MAML2: variants seen among roughly 807,000 people sequenced by gnomAD.
MAML2 encodes the protein mastermind-like protein 2.
In MAML2, 22 loss-of-function variants were observed where a neutral mutation model predicts 96.1. That is an observed-to-expected ratio of 0.23 (90% confidence interval 0.16 to 0.33). The LOEUF (loss-of-function observed/expected upper bound fraction) is 0.33, where lower values mean the gene tolerates loss of function less well. Ranked by LOEUF, MAML2 falls within the 10% of genes least tolerant of loss-of-function variation. The pLI is 1.00. For missense variants in MAML2, 1,367 were observed against 1,392.4 expected (o/e 0.98, Z 0.29); for synonymous variants, 561 against 521.3 (o/e 1.08, Z -1.04).
chr11:96,192,797 C>T (rs1358323303), intron 1 of MAML2, among the ~76,000 whole-genome samples: 2 of 152,192 alleles, frequency 1.3e-5, no homozygotes, highest in Non-Finnish European at 2.9e-5. Context: ...GGGACATATG[C>T]CAGCATGAAT....
intron 1 of MAML2, among the ~76,000 whole-genome samples, chr11:96,207,465 T>C (rs1184938245): frequency 6.6e-6 from 1 of 152,250 alleles, no homozygotes. Flanking sequence ...ACACAGATTA[T>C]GTGCAACTAC....
chr11:95,992,108 T>C (rs1331055643), intron 2 of MAML2, among the ~76,000 whole-genome samples: 1 of 152,240 alleles, frequency 6.6e-6, no homozygotes, highest in East Asian at 1.9e-4. Flanking sequence ...GCATGTATCA[T>C]TGCTGATCCT....
rs77552014 is a variant in MAML2, at chr11:96,126,734, A to G, written c.514-33217T>C. On this transcript the variant is annotated intron_variant, in intron 1 of 4. Coordinates refer to ENST00000524717, the MANE Select transcript of MAML2 (RefSeq NM_032427.4). ...GCACAGAGGAGGACAACTATTGCAA[A>G]TTGGCTGAAAAACAATATAAATCCA... 6.9e-3 allele frequency among the ~76,000 whole-genome samples: 1,053 copies of G among 152,322 alleles called. 18 individuals are homozygous for G. The highest frequency in any genetic ancestry group is 0.024 in the African/African-American group (1,012 of 41,572).
intron 2 of MAML2, among the ~76,000 whole-genome samples, chr11:96,006,589 G>A (rs1160837934): frequency 6.9e-6 from 1 of 143,918 alleles, no homozygotes; most frequent in Non-Finnish European, 1.5e-5. Flanking sequence ...ATGGAGTTTC[G>A]CTCTTGTTGC....
At chr11:96,218,242 T>G (rs925738011) in intron 1 of MAML2, among the ~76,000 whole-genome samples, 1 of 152,252 alleles carries the variant, frequency 6.6e-6, no homozygotes, top group African/African-American at 2.4e-5. Flanking sequence ...ACCCTGGCTT[T>G]GACTTGGTTT....
intron 1 of MAML2, among the ~76,000 whole-genome samples, chr11:96,246,355 T>C (rs1862512380): frequency 1.3e-5 from 2 of 152,090 alleles, no homozygotes; most frequent in Non-Finnish European, 2.9e-5. Context: ...GAACATCATA[T>C]GCAAATCCCT....
At chr11:96,305,795 A>T (rs950459780) in intron 1 of MAML2, among the ~76,000 whole-genome samples, 1 of 152,202 alleles carries the variant, frequency 6.6e-6, no homozygotes, top group African/African-American at 2.4e-5. Flanking sequence ...AGGCAGATAA[A>T]AACATCTGTC....
At chr11:96,184,926 G>A (rs182184228) in intron 1 of MAML2, among the ~76,000 whole-genome samples, 1 of 152,228 alleles carries the variant, frequency 6.6e-6, no homozygotes, top group Admixed American at 6.5e-5. Context: ...TCTAGGATTC[G>A]CTCTTGGGCA....
At chr11:96,163,744 G>A (rs1861148834) in intron 1 of MAML2, among the ~76,000 whole-genome samples, 1 of 152,146 alleles carries the variant, frequency 6.6e-6, no homozygotes, top group African/African-American at 2.4e-5. Context: ...ATACCACTTC[G>A]TATTGATAAT....
chr11:96,339,088 AG>A (rs1366589370), intron 1 of MAML2, among the ~76,000 whole-genome samples: 3 of 152,206 alleles, frequency 2.0e-5, no homozygotes, highest in African/African-American at 7.2e-5. Flanking sequence ...CTCAGTGAAA[AG>A]CAACTACTAG....
At chr11:96,261,625 TAG>T (rs1480075806) in intron 1 of MAML2, among the ~76,000 whole-genome samples, 1 of 152,214 alleles carries the variant, frequency 6.6e-6, no homozygotes, top group Non-Finnish European at 1.5e-5. Context: ...TGGAGACTTA[TAG>T]AGACTTTTGA....
chr11:96,100,317 T>A (rs1859903720), intron 1 of MAML2, among the ~76,000 whole-genome samples: 2 of 152,086 alleles, frequency 1.3e-5, no homozygotes, highest in East Asian at 3.8e-4. Flanking sequence ...TTCTTTCTTT[T>A]TTTTTTTCTT....
intron 3 of MAML2, among the ~76,000 whole-genome samples, chr11:95,990,816 GC>G (rs1448950322): frequency 6.6e-6 from 1 of 151,844 alleles, no homozygotes; most frequent in Non-Finnish European, 1.5e-5. Flanking sequence ...ATTTCATTTG[GC>G]CAAATAGTTT....
intron 1 of MAML2, among the ~76,000 whole-genome samples, chr11:96,205,755 C>T (rs574922794): frequency 3.7e-4 from 56 of 152,308 alleles, no homozygotes; most frequent in African/African-American, 1.3e-3. Flanking sequence ...GCCTGGCCAT[C>T]GGAACCCTTT....
At chr11:96,301,693 T>C (rs1451368212) in intron 1 of MAML2, among the ~76,000 whole-genome samples, 1 of 152,246 alleles carries the variant, frequency 6.6e-6, no homozygotes, top group Non-Finnish European at 1.5e-5. Flanking sequence ...AAAATATATA[T>C]GCCATGGTTG....
At chr11:96,098,897 T>C (rs1859877268) in intron 1 of MAML2, among the ~76,000 whole-genome samples, 1 of 152,344 alleles carries the variant, frequency 6.6e-6, no homozygotes, top group South Asian at 2.1e-4. Flanking sequence ...AAACATAAAC[T>C]TTCTGGAGGG....
intron 2 of MAML2, among the ~76,000 whole-genome samples, chr11:96,040,853 A>G (rs1246704733): frequency 6.6e-6 from 1 of 152,242 alleles, no homozygotes; most frequent in Non-Finnish European, 1.5e-5. Flanking sequence ...GTTTTCAAAT[A>G]GCAAAGCTCA....
intron 1 of MAML2, among the ~76,000 whole-genome samples, chr11:96,147,328 G>A (rs1309739681): frequency 6.6e-6 from 1 of 152,062 alleles, no homozygotes; most frequent in Non-Finnish European, 1.5e-5. Context: ...ACTGTAATAT[G>A]GATACATAAA....
chr11:96,121,386 G>C (rs1477208729), intron 1 of MAML2, among the ~76,000 whole-genome samples: 1 of 152,150 alleles, frequency 6.6e-6, no homozygotes, highest in Non-Finnish European at 1.5e-5. Context: ...TTAACACAAG[G>C]AGACATGATT....
Sources: gnomAD v4.1 joint callset for allele counts (sites outside exome capture counted in the v4.1 genomes callset) on GRCh38, gnomAD v4.1.1 for gene constraint, MANE v1.5 for transcripts, NCBI Gene and HGNC (gene_info 2026-07-23, HGNC 2026-07-21) for gene names.